Variants in AKAP9 observed in about 807,000 individuals in gnomAD.
AKAP9 encodes the protein A-kinase anchoring protein 9.
In AKAP9, 311 loss-of-function variants were observed where a neutral mutation model predicts 488.5. The ratio of observed to expected loss-of-function variants is 0.64; its 90% CI spans 0.58 to 0.70. AKAP9 has a LOEUF of 0.70. Ranked by LOEUF, AKAP9 falls within the 30% of genes least tolerant of loss-of-function variation. The pLI is 0.00. For missense variants in AKAP9, 4,215 were observed against 4,374.5 expected (o/e 0.96, Z 1.03); for synonymous variants, 1,462 against 1,483.5 (o/e 0.99, Z 0.33).
chr7:91,948,205 G>A (rs1167957224), intron 1 of AKAP9, among the ~76,000 whole-genome samples: 1 of 152,092 alleles, frequency 6.6e-6, no homozygotes, highest in East Asian at 1.9e-4. Flanking sequence ...GGTTGTTTCT[G>A]TCTTTTGGCT....
rs1485586994 is a variant in AKAP9, at chr7:92,080,112, AAG to A, written c.7981_7982del (p.Glu2661LysfsTer9). 6.3e-7 allele frequency: 1 copy of A among 1,591,058 alleles called. No individual in the cohort carries two copies. The highest frequency in any genetic ancestry group is 1.4e-5 in the African/African-American group (1 of 73,712). On this transcript the variant is annotated frameshift_variant, in exon 31 of 50. Transcript: ENST00000356239. LOFTEE classifies it high-confidence loss of function. ...GGCAATGAGAAAAAACAGAGAGAGA[AAG>A]AAAAGAAAAGAAGCCCTCAAGATGT... is the stretch of plus-strand genomic sequence containing the variant.
In AKAP9 at chr7:91,952,186, C is replaced by A. The variant is rs144687673; in HGVS notation, c.48+11039C>A. On this transcript the variant is annotated intron_variant, in intron 1 of 49. Transcript: ENST00000356239. The stretch of plus-strand genomic sequence containing the variant: ...GAATTCAGAGATAGTCACAAGCTTG[C>A]CTCTGATACTTTCACATTCGAGTAG... 3.9e-4 allele frequency among the ~76,000 whole-genome samples: 60 copies of A among 152,318 alleles called. 1 individual carries two copies. Among genetic ancestry groups the A allele is most frequent in the African/African-American group, 1.4e-3 (57 of 41,578 alleles).
intron 20 of AKAP9, chr7:92,042,978 C>A (rs1321002900): frequency 1.1e-5 from 4 of 367,802 alleles, no homozygotes; most frequent in East Asian, 4.9e-5. Context: ...TTAAAAAAAT[C>A]TTTTCTATAT....
In AKAP9 at chr7:92,042,087, G is replaced by A. The variant is rs745498011; in HGVS notation, c.4959G>A (p.Glu1653=). ...IDNENLVSER[E]RVLLEELEAL... Reference sequence around the variant, plus strand: ...ATGAAAACCTGGTTTCAGAGAGAGAGAGGGTGCTTTTAGAGGAGCTGGAAG... The same window carrying A: ...ATGAAAACCTGGTTTCAGAGAGAGAAAGGGTGCTTTTAGAGGAGCTGGAAG... Residue 1653 remains glutamate, a synonymous_variant, in exon 19 of 50, where the codon GAG becomes GAA. Transcript: ENST00000356239. 6.2e-7 allele frequency: 1 copy of A among 1,613,964 alleles called. No individual in the cohort carries two copies. The highest frequency in any genetic ancestry group is 8.5e-7 in the Non-Finnish European group (1 of 1,179,918).
Position 92,040,808 on chromosome 7 carries a change from G to A in AKAP9, c.4827G>A (p.Arg1609=). The A allele has an allele frequency of 6.2e-7, 1 of 1,613,982 alleles. No homozygotes were observed. Among genetic ancestry groups the A allele is most frequent in the Non-Finnish European group, 8.5e-7 (1 of 1,180,000 alleles). The change falls in exon 18 of 50, where the codon AGG becomes AGA. Residue 1609 remains arginine (R), a synonymous_variant. Coordinates refer to ENST00000356239, the MANE Select transcript of AKAP9 (RefSeq NM_005751.5). ...QEHQQATELL[R]QAHMRQMERQ... ...ATCAACAGGCAACGGAATTGTTAAG[G>A]CAAGCACATATGCGGCAAATGGAGA...
At chr7:91,941,852 G>C (rs950135426) in intron 1 of AKAP9, among the ~76,000 whole-genome samples, 1 of 150,004 alleles carries the variant, frequency 6.7e-6, no homozygotes, top group Non-Finnish European at 1.5e-5. Context: ...AAATAATTTA[G>C]TTGTTATATA....
intron 28 of AKAP9, among the ~76,000 whole-genome samples, chr7:92,071,877 G>GT: frequency 6.6e-6 from 1 of 152,260 alleles, no homozygotes; most frequent in East Asian, 1.9e-4. Context: ...AGTGACTGTA[G>GT]TTGAAATCAT....
intron 1 of AKAP9, among the ~76,000 whole-genome samples, chr7:91,945,009 G>A (rs538101362): frequency 6.6e-6 from 1 of 152,074 alleles, no homozygotes; most frequent in South Asian, 2.1e-4. Flanking sequence ...GATTTGCTAC[G>A]ACTAAGGAAC....
chr7:92,022,440 A>G, intron 13 of AKAP9, 88 bp downstream of exon 13: 1 of 927,992 alleles, frequency 1.1e-6, no homozygotes, highest in Admixed American at 1.9e-5. Context: ...GAGCTAACGT[A>G]GTGACCTTTG....
intron 1 of AKAP9, among the ~76,000 whole-genome samples, chr7:91,953,204 G>C (rs1340788459): frequency 1.3e-5 from 2 of 152,174 alleles, no homozygotes; most frequent in African/African-American, 4.8e-5. Flanking sequence ...GGATCTGAAA[G>C]GTAAAGGATA....
At chr7:92,058,422 TA>T in intron 22 of AKAP9, 3 of 494,780 alleles carry the variant, frequency 6.1e-6, no homozygotes, top group Admixed American at 4.9e-5. Context: ...TCAGTAAGTA[TA>T]AAAAATATTC....
chr7:92,043,262 C>T (rs1806411655), intron 20 of AKAP9: 7 of 910,770 alleles, frequency 7.7e-6, no homozygotes, highest in Non-Finnish European at 9.2e-6. Context: ...CTCTTGTGTC[C>T]TCCTAACCTC....
At chr7:92,018,733 T>G (rs1168866996) in intron 12 of AKAP9, among the ~76,000 whole-genome samples, 2 of 152,226 alleles carry the variant, frequency 1.3e-5, no homozygotes, top group East Asian at 3.8e-4. Context: ...ACCTACCCTG[T>G]TTATATTACC....
chr7:91,978,932 ATTTTTTTTTT>A (rs34097770), intron 2 of AKAP9, among the ~76,000 whole-genome samples: 2 of 90,380 alleles, frequency 2.2e-5, no homozygotes, highest in African/African-American at 8.4e-5. Context: ...TAGTTTTTGT[ATTTTTTTTTT>A]TTTTTTTTTT....
At chr7:92,081,498 T>TA (rs1491338738) in intron 31 of AKAP9, among the ~76,000 whole-genome samples, 36 of 87,674 alleles carry the variant, frequency 4.1e-4, no homozygotes, top group African/African-American at 1.4e-3. Flanking sequence ...TATATATATA[T>TA]TTTTTTTTTT....
chr7:91,977,626 G>A (rs757346907), intron 2 of AKAP9, among the ~76,000 whole-genome samples: 1 of 152,106 alleles, frequency 6.6e-6, no homozygotes, highest in Non-Finnish European at 1.5e-5. Context: ...TGTTCCTCAG[G>A]GACGGTTTCT....
intron 38 of AKAP9, chr7:92,089,819 C>A: frequency 4.7e-6 from 1 of 211,700 alleles, no homozygotes; most frequent in Non-Finnish European, 9.5e-6. Context: ...AGAAAACAGT[C>A]TTTCCAATCA....
rs1397544794 is a variant in AKAP9, at chr7:92,001,989, A to C, written c.2072A>C (p.Lys691Thr). Residue 691 changes from lysine to threonine, a missense_variant, in exon 8 of 50, where the codon AAG (lysine) becomes ACG (threonine). By Grantham distance (78) the Lys-to-Thr change is moderately conservative. This residue lies in a region of AKAP9 where 2,361 missense variants were observed against 2,430.0 expected (regional missense o/e 0.97). Transcript: ENST00000356239. ...TTTGAAAAGGACAATTTGATAACTA[A>C]GCAGAATCAATTAATTTTGGAAATT... Reference protein sequence around the residue: ...MQFEKDNLITKQNQLILEISK... With the variant: ...MQFEKDNLITTQNQLILEISK... 6.2e-7 allele frequency: 1 copy of C among 1,612,384 alleles called. No individual in the cohort carries two copies. Among genetic ancestry groups the C allele is most frequent in the Non-Finnish European group, 8.5e-7 (1 of 1,179,506 alleles).
chr7:92,017,823 C>T (rs6959966), intron 12 of AKAP9, among the ~76,000 whole-genome samples: 38,261 of 151,960 alleles, frequency 0.25, 5,088 homozygotes, highest in Non-Finnish European at 0.31. Flanking sequence ...TTCTTCTTGC[C>T]TACTCTGTTT....
Sources: allele counts gnomAD v4.1 joint callset (sites outside exome capture counted in the v4.1 genomes callset), GRCh38; gene constraint gnomAD v4.1.1; regional missense constraint gnomAD v4.1.1; transcripts MANE v1.5; gene names NCBI Gene and HGNC (gene_info 2026-07-23, HGNC 2026-07-21).